CFAP263: variants seen among roughly 807,000 people sequenced by gnomAD.
The protein encoded by CFAP263 is cilia and flagella associated protein 263.
At chr16:58,262,375 T>C in the CFAP263 span, 1 of 1,593,858 alleles carries the variant, frequency 6.3e-7, no homozygotes, top group Non-Finnish European at 8.6e-7. Context: ...TTCATCTTTC[T>C]GAGCTGTAGA....
chr16:58,280,150 T>A, the CFAP263 span: 1 of 1,470,806 alleles, frequency 6.8e-7, no homozygotes, highest in Non-Finnish European at 9.3e-7. Context: ...AAAACAGACA[T>A]CAAAACAGCA....
At chr16:58,258,632 C>A in the CFAP263 span, 3 of 977,970 alleles carry the variant, frequency 3.1e-6, no homozygotes, top group Non-Finnish European at 4.6e-6. Context: ...ATAAATGTTG[C>A]CCACATATGC....
the CFAP263 span, among the ~76,000 whole-genome samples, chr16:58,261,688 T>A: frequency 2.0e-5 from 3 of 152,038 alleles, no homozygotes; most frequent in Non-Finnish European, 4.4e-5. Context: ...GAAGTTGTGT[T>A]GTTTTGGGAA....
At chr16:58,277,679 G>A in the CFAP263 span, among the ~76,000 whole-genome samples, 3 of 152,236 alleles carry the variant, frequency 2.0e-5, no homozygotes, top group Admixed American at 1.3e-4. Context: ...TCTATCGAAG[G>A]ATGAATGGAT....
At chr16:58,254,026 G>C in the CFAP263 span, 3 of 1,614,026 alleles carry the variant, frequency 1.9e-6, no homozygotes, top group Admixed American at 3.3e-5. Flanking sequence ...TCCAAATCCC[G>C]GACAGGTATG....
the CFAP263 span, among the ~76,000 whole-genome samples, chr16:58,275,985 T>C: frequency 6.6e-6 from 1 of 152,132 alleles, no homozygotes; most frequent in Non-Finnish European, 1.5e-5. Flanking sequence ...TATATAAAAA[T>C]GAAAGTTTTT....
the CFAP263 span, among the ~76,000 whole-genome samples, chr16:58,257,836 G>A: frequency 1.9e-3 from 286 of 152,100 alleles, no homozygotes; most frequent in Non-Finnish European, 2.8e-3. Context: ...GGCCAGGCGC[G>A]GTGGCTCATG....
the CFAP263 span, chr16:58,250,208 C>G: frequency 5.9e-6 from 4 of 677,288 alleles, no homozygotes; most frequent in Admixed American, 2.7e-5. Context: ...GGAGAAGATC[C>G]AAGCCCTCAC....
At chr16:58,280,917 A>G in the CFAP263 span, 2 of 640,310 alleles carry the variant, frequency 3.1e-6, no homozygotes, top group South Asian at 4.9e-5. Flanking sequence ...GGCAGCCACC[A>G]CCACAAATTC....
chr16:58,279,615 A>G, the CFAP263 span: 1 of 1,232,184 alleles, frequency 8.1e-7, no homozygotes, highest in African/African-American at 1.5e-5. Context: ...AGTAGCCACA[A>G]TCAGTTTTCC....
the CFAP263 span, among the ~76,000 whole-genome samples, chr16:58,264,764 A>C: frequency 6.6e-6 from 1 of 152,222 alleles, no homozygotes. Flanking sequence ...CTTTGATATA[A>C]ATATGAAACA....
chr16:58,279,715 G>T, the CFAP263 span: 15 of 1,611,596 alleles, frequency 9.3e-6, no homozygotes, highest in South Asian at 7.7e-5. Context: ...CCATCGTAAG[G>T]CTTGGAATCG....
the CFAP263 span, among the ~76,000 whole-genome samples, chr16:58,274,823 T>G: frequency 6.6e-6 from 1 of 152,340 alleles, no homozygotes; most frequent in South Asian, 2.1e-4. Context: ...ACTTCTGCAC[T>G]GCTGCCCTGG....
chr16:58,280,368 C>G, the CFAP263 span: 2 of 1,614,220 alleles, frequency 1.2e-6, no homozygotes, highest in Non-Finnish European at 1.7e-6. Flanking sequence ...GTACAGACGC[C>G]TCAGGAGACC....
chr16:58,269,384 AGGAAG>A, the CFAP263 span, among the ~76,000 whole-genome samples: 1 of 149,482 alleles, frequency 6.7e-6, no homozygotes, highest in African/African-American at 2.5e-5. Flanking sequence ...ATAAGAAGAA[AGGAAG>A]GAAAGAGGAA....
chr16:58,268,837 A>G, the CFAP263 span, among the ~76,000 whole-genome samples: 1 of 152,162 alleles, frequency 6.6e-6, no homozygotes, highest in African/African-American at 2.4e-5. Context: ...AAAGCCTGAC[A>G]TTCATTGCTT....
chr16:58,262,394 G>A, the CFAP263 span: 1 of 1,609,076 alleles, frequency 6.2e-7, no homozygotes, highest in South Asian at 1.1e-5. Context: ...GAAGGAAGAG[G>A]TGAGTGAGGC....
chr16:58,249,960 CGGCACCCGGAGCTCCTG>C, the CFAP263 span: 1 of 1,236,538 alleles, frequency 8.1e-7, no homozygotes, highest in Non-Finnish European at 1.2e-6. Flanking sequence ...GCGTGGCCGC[CGGCACCCGGAGCTCCTG>C]GGCACACGGC....
chr16:58,258,161 C>T, the CFAP263 span, among the ~76,000 whole-genome samples: 1 of 149,636 alleles, frequency 6.7e-6, no homozygotes, highest in Non-Finnish European at 1.5e-5. Context: ...TGTTTGCTCT[C>T]TTTTTATGGA....
Sources: gnomAD v4.1 joint callset for allele counts (sites outside exome capture counted in the v4.1 genomes callset) on GRCh38, gnomAD v4.1.1 for gene constraint, MANE v1.5 for transcripts, NCBI Gene and HGNC (gene_info 2026-07-23, HGNC 2026-07-21) for gene names.